The following SLC38A11 variants were observed in gnomAD, a reference collection of about 807,000 sequenced individuals.
SLC38A11 encodes the protein solute carrier family 38 member 11.
Under a neutral mutation model 49.4 loss-of-function variants are expected in SLC38A11, and 51 were observed. The observed-to-expected ratio is 1.03, with a 90% CI of 0.83 to 1.30. The LOEUF (loss-of-function observed/expected upper bound fraction) is 1.30. Among genes scored for constraint, SLC38A11 ranks in the 50% most tolerant of loss-of-function variants. SLC38A11 has a pLI of 0.00. For synonymous variants in SLC38A11, 203 were observed against 192.9 expected (o/e 1.05, Z -0.43); for missense variants, 574 against 556.2 (o/e 1.03, Z -0.32).
At chr2:164,954,781 G>T in intron 1 of SLC38A11, 36 bp from the exon 2 acceptor site, 1 of 1,090,372 alleles carries the variant, frequency 9.2e-7, no homozygotes, top group Non-Finnish European at 1.3e-6. Flanking sequence ...GCAAATACTA[G>T]TTCAGAAAAT....
At chr2:164,948,826 C>G (rs1483827335) in intron 3 of SLC38A11, among the ~76,000 whole-genome samples, 1 of 152,002 alleles carries the variant, frequency 6.6e-6, no homozygotes, top group Non-Finnish European at 1.5e-5. Context: ...GACTAAATCA[C>G]TTGTTCAGTT....
intron 7 of SLC38A11, among the ~76,000 whole-genome samples, chr2:164,924,104 G>T (rs1686404543): frequency 6.6e-6 from 1 of 152,050 alleles, no homozygotes; most frequent in Non-Finnish European, 1.5e-5. Flanking sequence ...AGAAAATATG[G>T]TACATATACA....
chr2:164,898,302 G>T lies in SLC38A11; in HGVS notation c.*135C>A. ...TTTTCTTTTCTTTATCTTTTATATT[G>T]CACTACTCATAAAAGCCAAGTCTTG... On this transcript the variant is annotated 3_prime_UTR_variant, in exon 12 of 12. Coordinates refer to ENST00000685975, the MANE Select transcript of SLC38A11 (RefSeq NM_001351537.2). The T allele has an allele frequency of 1.6e-6, 1 of 641,194 alleles. No homozygotes were observed. Among genetic ancestry groups the T allele is most frequent in the Non-Finnish European group, 2.7e-6 (1 of 376,002 alleles). 39.7% of individuals were successfully genotyped at this position (641,194 alleles called of 1,614,324 possible).
Position 164,905,261 on chromosome 2 carries a change from G to A in SLC38A11, c.1095+3379C>T, listed in dbSNP as rs1684917954. On this transcript the variant is annotated intron_variant, in intron 11 of 11. Coordinates refer to ENST00000685975, the MANE Select transcript of SLC38A11 (RefSeq NM_001351537.2). ...GCCTCCCGAGTGGTTGGGACTACAG[G>A]CATGTGCCACCACACCCAGCTAATA... Among the ~76,000 whole-genome samples, 3 of 152,018 alleles carry A rather than the reference G, an allele frequency of 2.0e-5. No homozygotes were observed. In the South Asian group the frequency reaches 6.2e-4, roughly 32 times the overall value.
chr2:164,918,037 A>G (rs532587663), intron 7 of SLC38A11, among the ~76,000 whole-genome samples: 1 of 152,162 alleles, frequency 6.6e-6, no homozygotes, highest in Admixed American at 6.6e-5. Context: ...CCAATCATTT[A>G]TAAAATAGCC....
At chr2:164,933,183 G>A (rs1687126210) in intron 7 of SLC38A11, among the ~76,000 whole-genome samples, 1 of 151,974 alleles carries the variant, frequency 6.6e-6, no homozygotes, top group Admixed American at 6.6e-5. Context: ...AATTTGGACT[G>A]CATGTTATAA....
At chr2:164,906,113 T>G (rs999025792) in intron 11 of SLC38A11, among the ~76,000 whole-genome samples, 2 of 152,090 alleles carry the variant, frequency 1.3e-5, no homozygotes, top group African/African-American at 2.4e-5. Context: ...AAAAAAAAAT[T>G]TGTTGGGCTA....
At chr2:164,936,137 GA>G (rs764925801) in intron 7 of SLC38A11, among the ~76,000 whole-genome samples, 23 of 151,966 alleles carry the variant, frequency 1.5e-4, no homozygotes, top group African/African-American at 4.6e-4. Context: ...ATTATTTGAA[GA>G]AAAAAATAAT....
Position 164,947,914 on chromosome 2 carries a change from C to T in SLC38A11, c.230-2187G>A, listed in dbSNP as rs911469887. On this transcript the variant is annotated intron_variant, in intron 3 of 11. Coordinates refer to ENST00000685975, the MANE Select transcript of SLC38A11 (RefSeq NM_001351537.2). Reference sequence around the variant, plus strand: ...AATAACCCCCTAATAGTTCTTTTACCCACCAATCTGGCCCCCAACAAAGAC... The same window carrying T: ...AATAACCCCCTAATAGTTCTTTTACTCACCAATCTGGCCCCCAACAAAGAC... Among the ~76,000 whole-genome samples the T allele has an allele frequency of 7.2e-5, 11 of 151,970 alleles. No individual in the cohort carries two copies. The East Asian group carries it at 1.5e-3, about 21-fold the overall frequency.
intron 10 of SLC38A11, among the ~76,000 whole-genome samples, chr2:164,909,859 A>G (rs565101793): frequency 5.9e-5 from 9 of 152,056 alleles, no homozygotes; most frequent in Admixed American, 1.3e-4. Context: ...CCCATGTGTC[A>G]CATACTGCCA....
intron 7 of SLC38A11, among the ~76,000 whole-genome samples, chr2:164,930,847 A>C (rs556607082): frequency 6.6e-6 from 1 of 152,236 alleles, no homozygotes; most frequent in East Asian, 1.9e-4. Context: ...AACCAGCATA[A>C]GACAAGGATG....
intron 7 of SLC38A11, among the ~76,000 whole-genome samples, chr2:164,924,233 A>G (rs938985899): frequency 2.0e-5 from 3 of 152,212 alleles, no homozygotes; most frequent in African/African-American, 7.2e-5. Context: ...AGCAAATGCC[A>G]TATGTTCTCA....
In SLC38A11 at chr2:164,898,326, T is replaced by C; in HGVS notation, c.*111A>G. 1.2e-6 allele frequency: 1 copy of C among 850,414 alleles called. No homozygotes were observed. Among genetic ancestry groups the C allele is most frequent in the Non-Finnish European group, 1.8e-6 (1 of 561,786 alleles). 52.7% of individuals were successfully genotyped at this position (850,414 alleles called of 1,614,324 possible). On this transcript the variant is annotated 3_prime_UTR_variant, in exon 12 of 12. Transcript: ENST00000685975. ...TGCACTACTCATAAAAGCCAAGTCT[T>C]GATAAAAGCCAAAATAATAATTTTA...
At position 164,909,371 on chromosome 2, in the gene SLC38A11, A is replaced by G. The variant is rs184362863; in HGVS notation, c.964-600T>C. On this transcript the variant is annotated intron_variant, in intron 10 of 11. Coordinates refer to ENST00000685975, the MANE Select transcript of SLC38A11 (RefSeq NM_001351537.2). ...TTACTGACTTAATGTGTCCCATATT[A>G]TGATATGGTTTGCAAAGATAAAATG... 4.6e-5 allele frequency among the ~76,000 whole-genome samples: 7 copies of G among 152,190 alleles called. No individual in the cohort carries two copies. In the East Asian group the frequency reaches 1.3e-3, roughly 29 times the overall value.
intron 3 of SLC38A11, among the ~76,000 whole-genome samples, 186 bp from the exon 4 acceptor site, chr2:164,945,913 C>T (rs751562262): frequency 2.0e-5 from 3 of 152,076 alleles, no homozygotes; most frequent in Non-Finnish European, 4.4e-5. Flanking sequence ...AGTAATGTTT[C>T]CAGTTACATA....
In SLC38A11 at chr2:164,894,684, T is replaced by C. The variant is rs1490936042; in HGVS notation, c.*3753A>G. On this transcript the variant is annotated 3_prime_UTR_variant, in exon 12 of 12. Coordinates refer to ENST00000685975, the MANE Select transcript of SLC38A11 (RefSeq NM_001351537.2). ...TAACTGTGTTGATTTGGGGTTGTAA[T>C]CTCTATTTTCTCCCTTGTTAATTCT... 6.6e-6 allele frequency among the ~76,000 whole-genome samples: 1 copy of C among 152,106 alleles called. No individual in the cohort carries two copies.
At chr2:164,927,597 T>G (rs997449173) in intron 7 of SLC38A11, among the ~76,000 whole-genome samples, 65 of 152,312 alleles carry the variant, frequency 4.3e-4, no homozygotes, top group Non-Finnish European at 8.5e-4. Flanking sequence ...TGCTGTTATA[T>G]GTATCTCATC....
At chr2:164,951,752 G>A (rs73970938) in intron 3 of SLC38A11, among the ~76,000 whole-genome samples, 3,325 of 152,210 alleles carry the variant, frequency 0.022, 118 homozygotes, top group African/African-American at 0.075. Flanking sequence ...CCAGAAGAAG[G>A]GGAATGAGAG....
At chr2:164,912,915 A>G (rs545019326) in intron 9 of SLC38A11, among the ~76,000 whole-genome samples, 4 of 152,022 alleles carry the variant, frequency 2.6e-5, no homozygotes, top group Non-Finnish European at 4.4e-5. Flanking sequence ...AAATATAACA[A>G]TGACTAATGC....
Sources: allele counts gnomAD v4.1 joint callset (sites outside exome capture counted in the v4.1 genomes callset), GRCh38; gene constraint gnomAD v4.1.1; transcripts MANE v1.5; gene names NCBI Gene and HGNC (gene_info 2026-07-23, HGNC 2026-07-21).